Variants in GLP2R observed in about 807,000 individuals in gnomAD.
GLP2R encodes the protein glucagon like peptide 2 receptor, also known as glucagon-like peptide 2 receptor.
GLP2R carries 59 observed loss-of-function variants against 68.2 expected under a neutral mutation model. That is an observed-to-expected ratio of 0.87 (90% confidence interval 0.70 to 1.07). The LOEUF is 1.07. GLP2R is among the 50% of genes least tolerant of loss of function. The pLI, the probability that GLP2R is intolerant of heterozygous loss-of-function variation, is 0.00. For synonymous variants in GLP2R, 270 were observed against 265.4 expected, an observed-to-expected ratio of 1.02 and a Z score of -0.17; for missense variants, 548 against 677.4, an observed-to-expected ratio of 0.81 and a Z score of 2.12.
chr17:9,841,456 G>A (rs763392203), intron 3 of GLP2R, among the ~76,000 whole-genome samples: 20 of 152,286 alleles, frequency 1.3e-4, no homozygotes, highest in Non-Finnish European at 2.5e-4. Flanking sequence ...AGCAGGAGGT[G>A]AAAGTGGCAG....
Position 9,891,604 on chromosome 17 carries a change from A to G in GLP2R, c.*1899A>G, listed in dbSNP as rs1354775715. The G allele has an allele frequency of 6.6e-6, 1 of 152,154 alleles. No individual in the cohort carries two copies. Among genetic ancestry groups the G allele is most frequent in the African/African-American group, 2.4e-5 (1 of 41,408 alleles). 9.4% of individuals were successfully genotyped at this position (152,154 alleles called of 1,614,324 possible). On this transcript the variant is annotated 3_prime_UTR_variant, in exon 13 of 13. Transcript: ENST00000262441. ...ATGGGGACTTTTGGGGCCCCCTTAA[A>G]TTTTGCACTTGAAATGGGATCCCCA...
chr17:9,837,573 G>A (rs929546582), intron 3 of GLP2R, among the ~76,000 whole-genome samples: 1 of 152,188 alleles, frequency 6.6e-6, no homozygotes, highest in Non-Finnish European at 1.5e-5. Context: ...CAATAGGTTA[G>A]TGTTTTTAAC....
chr17:9,836,090 T>C (rs893323312), intron 2 of GLP2R, among the ~76,000 whole-genome samples: 1 of 142,190 alleles, frequency 7.0e-6, no homozygotes, highest in African/African-American at 2.6e-5. Context: ...TCATGTCAAA[T>C]AAAGCAAAAT....
In GLP2R at chr17:9,837,300, T is replaced by C. The variant is rs564252447; in HGVS notation, c.382+825T>C. ...CTTCCCAGCCTCTGGCAACCATCCT[T>C]CTACTCTCTATGTCCATGAGTTCAA... On this transcript the variant is annotated intron_variant, in intron 3 of 12. Coordinates refer to ENST00000262441, the MANE Select transcript of GLP2R (RefSeq NM_004246.3). Among the ~76,000 whole-genome samples the C allele has an allele frequency of 4.3e-3, 661 of 152,262 alleles. 5 individuals carry two copies. Among genetic ancestry groups the C allele is most frequent in the African/African-American group, 0.014 (572 of 41,538 alleles).
chr17:9,879,292 A>AAAATAAAATAAAATAAAAT (rs1555574074), intron 10 of GLP2R, among the ~76,000 whole-genome samples: 215 of 16,642 alleles, frequency 0.013, 5 homozygotes, highest in Admixed American at 0.081. Flanking sequence ...AAAATAAAAT[A>AAAATAAAATAAAATAAAAT]AATAAAATAA....
intron 12 of GLP2R, 105 bp from the exon 13 acceptor site, chr17:9,889,265 A>G: frequency 1.4e-6 from 1 of 715,928 alleles, no homozygotes; most frequent in South Asian, 1.9e-5. Flanking sequence ...TAAAAGGTAA[A>G]TTTCCCAAGG....
At chr17:9,856,296 T>G (rs2066933029) in intron 5 of GLP2R, among the ~76,000 whole-genome samples, 1 of 152,190 alleles carries the variant, frequency 6.6e-6, no homozygotes, top group African/African-American at 2.4e-5. Flanking sequence ...CAACCAAGTG[T>G]CAGTTCTGCC....
chr17:9,861,295 T>C, intron 8 of GLP2R, 96 bp downstream of exon 8: 2 of 861,380 alleles, frequency 2.3e-6, no homozygotes, highest in Non-Finnish European at 3.9e-6. Flanking sequence ...AGAAAATATC[T>C]ATCCCTTCTC....
At chr17:9,827,201 G>A (rs2066640414) in intron 1 of GLP2R, among the ~76,000 whole-genome samples, 1 of 151,954 alleles carries the variant, frequency 6.6e-6, no homozygotes, top group South Asian at 2.1e-4. Context: ...ACAAACACAG[G>A]CACATACTAT....
At chr17:9,879,225 G>C (rs2067167966) in intron 10 of GLP2R, among the ~76,000 whole-genome samples, 1 of 148,736 alleles carries the variant, frequency 6.7e-6, no homozygotes, top group South Asian at 2.1e-4. Context: ...TTTGAGACCA[G>C]CCTGGGCAAC....
chr17:9,868,022 C>T (rs2067056287), intron 9 of GLP2R, among the ~76,000 whole-genome samples: 1 of 152,156 alleles, frequency 6.6e-6, no homozygotes, highest in Non-Finnish European at 1.5e-5. Flanking sequence ...GGTTTTCCCA[C>T]CCCATCAAAA....
At chr17:9,847,388 G>A (rs1306301964) in intron 4 of GLP2R, among the ~76,000 whole-genome samples, 2 of 152,000 alleles carry the variant, frequency 1.3e-5, no homozygotes, top group Non-Finnish European at 2.9e-5. Flanking sequence ...TTCTGCCTCA[G>A]CCTCCAGAGT....
At chr17:9,867,167 G>A (rs370209511) in intron 9 of GLP2R, among the ~76,000 whole-genome samples, 3 of 152,296 alleles carry the variant, frequency 2.0e-5, no homozygotes, top group East Asian at 3.9e-4. Context: ...ATGGATCAGA[G>A]GCTTCTGAGG....
intron 2 of GLP2R, among the ~76,000 whole-genome samples, chr17:9,835,592 T>A (rs1445524142): frequency 6.6e-6 from 1 of 152,190 alleles, no homozygotes; most frequent in East Asian, 1.9e-4. Context: ...ATCTTGATCC[T>A]CCGTATTCCG....
At chr17:9,873,076 C>G (rs2067110008) in intron 10 of GLP2R, among the ~76,000 whole-genome samples, 1 of 152,176 alleles carries the variant, frequency 6.6e-6, no homozygotes, top group African/African-American at 2.4e-5. Context: ...GGCTCCCTTC[C>G]CAAAGGCTTA....
At chr17:9,829,601 T>C (rs1475217739) in intron 1 of GLP2R, among the ~76,000 whole-genome samples, 4 of 152,210 alleles carry the variant, frequency 2.6e-5, no homozygotes, top group Non-Finnish European at 5.9e-5. Flanking sequence ...CTTTACTTCA[T>C]TTATTATTTA....
chr17:9,839,618 C>A (rs960113869), intron 3 of GLP2R, among the ~76,000 whole-genome samples: 4 of 152,148 alleles, frequency 2.6e-5, no homozygotes, highest in Admixed American at 2.0e-4. Flanking sequence ...CCTCCAGGCA[C>A]CTTTGGAAAA....
intron 10 of GLP2R, among the ~76,000 whole-genome samples, chr17:9,874,753 G>T (rs1056357598): frequency 3.3e-5 from 5 of 152,134 alleles, no homozygotes; most frequent in Non-Finnish European, 2.9e-5. Flanking sequence ...GTGCCCACAT[G>T]CCTCCCAAAA....
intron 4 of GLP2R, among the ~76,000 whole-genome samples, chr17:9,854,204 A>G (rs1369530978): frequency 1.3e-5 from 2 of 152,164 alleles, no homozygotes; most frequent in East Asian, 3.9e-4. Flanking sequence ...TCTGAACGCA[A>G]TTCCTTTATG....
Sources: gnomAD v4.1 joint callset for allele counts (sites outside exome capture counted in the v4.1 genomes callset) on GRCh38, gnomAD v4.1.1 for gene constraint, MANE v1.5 for transcripts, NCBI Gene and HGNC (gene_info 2026-07-23, HGNC 2026-07-21) for gene names.